The following PLCB4 variants were observed in gnomAD, a reference collection of about 807,000 sequenced individuals.
The protein encoded by PLCB4 is phospholipase C beta 4.
Under a neutral mutation model 178.8 loss-of-function variants are expected in PLCB4, and 77 were observed. That is an observed-to-expected ratio of 0.43 (90% CI 0.36 to 0.52). PLCB4 has a LOEUF of 0.52. Among genes scored for constraint, PLCB4 ranks in the 20% least tolerant of loss-of-function variants. The pLI, the probability that PLCB4 is intolerant of heterozygous loss-of-function variation, is 0.00. For synonymous variants in PLCB4, 496 were observed against 490.8 expected, an observed-to-expected ratio of 1.01 and a Z score of -0.14; for missense variants, 1,024 against 1,453.4, an observed-to-expected ratio of 0.70 and a Z score of 4.80.
intron 2 of PLCB4, among the ~76,000 whole-genome samples, chr20:9,186,508 A>G (rs1326602140): frequency 6.6e-6 from 1 of 152,210 alleles, no homozygotes; most frequent in Non-Finnish European, 1.5e-5. Flanking sequence ...GTAAACCCAA[A>G]GAAAACACTG....
intron 32 of PLCB4, among the ~76,000 whole-genome samples, chr20:9,445,985 C>T (rs998227736): frequency 5.9e-5 from 9 of 152,138 alleles, no homozygotes; most frequent in African/African-American, 2.2e-4. Context: ...AAGATTTTGG[C>T]TTCATTTAAT....
chr20:9,078,219 A>G (rs1462199407), intron 1 of PLCB4, among the ~76,000 whole-genome samples: 1 of 152,072 alleles, frequency 6.6e-6, no homozygotes, highest in Non-Finnish European at 1.5e-5. Flanking sequence ...AGGCTCAAGC[A>G]GTCCCCCCAC....
intron 14 of PLCB4, among the ~76,000 whole-genome samples, chr20:9,385,720 C>A (rs1275559262): frequency 6.7e-6 from 1 of 149,326 alleles, no homozygotes; most frequent in Non-Finnish European, 1.5e-5. Flanking sequence ...CAGAGGCGCT[C>A]CTCGCTTCCC....
intron 2 of PLCB4, among the ~76,000 whole-genome samples, chr20:9,150,164 A>G (rs1433788030): frequency 6.6e-6 from 1 of 152,212 alleles, no homozygotes; most frequent in East Asian, 1.9e-4. Flanking sequence ...TGTAATGTGA[A>G]AGATAAATAC....
chr20:9,426,195 T>C (rs2040995236), intron 28 of PLCB4, among the ~76,000 whole-genome samples: 1 of 152,066 alleles, frequency 6.6e-6, no homozygotes, highest in African/African-American at 2.4e-5. Flanking sequence ...TAAAGAAAGA[T>C]AGTGTGGATT....
intron 3 of PLCB4, among the ~76,000 whole-genome samples, chr20:9,286,092 A>G (rs1015286349): frequency 5.3e-5 from 8 of 151,996 alleles, no homozygotes; most frequent in Admixed American, 2.6e-4. Context: ...GCACTTTACC[A>G]TTAAAAGGAA....
At chr20:9,471,494 T>TA (rs541224062) in intron 36 of PLCB4, among the ~76,000 whole-genome samples, 10 of 151,866 alleles carry the variant, frequency 6.6e-5, no homozygotes, top group East Asian at 1.9e-4. Context: ...AGTCTACTAT[T>TA]AAAAAAAACT....
intron 1 of PLCB4, among the ~76,000 whole-genome samples, chr20:9,086,757 G>A (rs191955163): frequency 2.0e-5 from 3 of 152,234 alleles, no homozygotes; most frequent in East Asian, 3.9e-4. Flanking sequence ...TAGGAGCACC[G>A]ATCATAGGGA....
intron 4 of PLCB4, among the ~76,000 whole-genome samples, chr20:9,324,845 T>C (rs1398370329): frequency 6.6e-6 from 1 of 152,164 alleles, no homozygotes; most frequent in Non-Finnish European, 1.5e-5. Context: ...TGACGTATCA[T>C]GCAGCTCTTG....
intron 7 of PLCB4, among the ~76,000 whole-genome samples, chr20:9,348,543 C>T (rs2034034440): frequency 6.6e-6 from 1 of 152,018 alleles, no homozygotes; most frequent in Non-Finnish European, 1.5e-5. Context: ...TCATATACTA[C>T]TTAGGATCCT....
chr20:9,299,897 C>A (rs1288577595), intron 3 of PLCB4, among the ~76,000 whole-genome samples: 1 of 151,974 alleles, frequency 6.6e-6, no homozygotes, highest in Non-Finnish European at 1.5e-5. Context: ...CTCACCCCAT[C>A]CATCAACAGC....
rs138101446 is a variant in PLCB4 at position 9,240,950 on chromosome 20, G to A, written c.-16+23498G>A. 2.1e-4 allele frequency among the ~76,000 whole-genome samples: 32 copies of A among 152,208 alleles called. No homozygotes were observed. The East Asian group carries it at 5.8e-3, about 28-fold the overall frequency. ...TACTGCATTTCCTGGTGGTAGCAGA[G>A]ATCTCAATTGTTTGATTTGCAGAAA... On this transcript the variant is annotated intron_variant, in intron 3 of 39. Coordinates refer to ENST00000378473, the MANE Select transcript of PLCB4 (RefSeq NM_001377142.1).
chr20:9,161,114 A>G (rs2092880935), intron 2 of PLCB4, among the ~76,000 whole-genome samples: 1 of 152,228 alleles, frequency 6.6e-6, no homozygotes, highest in South Asian at 2.1e-4. Context: ...AAGTTTTTAG[A>G]TAGATATCAT....
chr20:9,476,981 A>G (rs1488837946), intron 39 of PLCB4, among the ~76,000 whole-genome samples: 4 of 152,162 alleles, frequency 2.6e-5, no homozygotes, highest in African/African-American at 9.7e-5. Flanking sequence ...TGTATTTTCT[A>G]TTGCAGATTT....
intron 2 of PLCB4, among the ~76,000 whole-genome samples, chr20:9,195,152 C>T (rs1225070811): frequency 6.6e-6 from 1 of 152,128 alleles, no homozygotes; most frequent in African/African-American, 2.4e-5. Flanking sequence ...CATCAACTTC[C>T]TGGTTTTTCG....
chr20:9,108,316 A>G (rs1004832217), intron 2 of PLCB4, among the ~76,000 whole-genome samples: 2 of 152,116 alleles, frequency 1.3e-5, no homozygotes, highest in Admixed American at 1.3e-4. Context: ...GACTGAGTCT[A>G]AGGGCACTTA....
At chr20:9,245,187 G>C (rs1239042842) in intron 3 of PLCB4, among the ~76,000 whole-genome samples, 1 of 152,204 alleles carries the variant, frequency 6.6e-6, no homozygotes, top group Non-Finnish European at 1.5e-5. Context: ...TCTCTTGAGA[G>C]CTAAACTGGG....
chr20:9,119,008 CTG>C, intron 2 of PLCB4, among the ~76,000 whole-genome samples: 1 of 152,284 alleles, frequency 6.6e-6, no homozygotes, highest in Non-Finnish European at 1.5e-5. Context: ...TGATGCCTAA[CTG>C]TGTTGTACAT....
intron 39 of PLCB4, 59 bp from the exon 40 acceptor site, chr20:9,478,862 G>A (rs1032325292): frequency 1.6e-6 from 2 of 1,268,826 alleles, no homozygotes; most frequent in African/African-American, 1.5e-5. Flanking sequence ...GGCCAGGGTT[G>A]TTAAGTGCCT....
Sources: gnomAD v4.1 joint callset for allele counts (sites outside exome capture counted in the v4.1 genomes callset) on GRCh38, gnomAD v4.1.1 for gene constraint, MANE v1.5 for transcripts, NCBI Gene and HGNC (gene_info 2026-07-23, HGNC 2026-07-21) for gene names.